MRC2: variants seen among roughly 807,000 people sequenced by gnomAD.
The protein encoded by MRC2 is mannose receptor C-type 2, also known as C-type mannose receptor 2.
Under a neutral mutation model 206.2 loss-of-function variants are expected in MRC2, and 84 were observed. That is an observed-to-expected ratio of 0.41 (90% confidence interval 0.34 to 0.49). The LOEUF (loss-of-function observed/expected upper bound fraction) is 0.49. MRC2 is among the 20% of genes least tolerant of loss of function. The probability of loss-of-function intolerance (pLI) is 0.31; values close to 1 mark genes in which losing one functional copy is unlikely to be tolerated. For missense variants in MRC2, 1,676 were observed against 2,001.5 expected, an observed-to-expected ratio of 0.84 and a Z score of 3.10; for synonymous variants, 798 against 800.0, an observed-to-expected ratio of 1.00 and a Z score of 0.04.
chr17:62,665,814 G>A (rs2088745755), intron 2 of MRC2, among the ~76,000 whole-genome samples: 1 of 152,238 alleles, frequency 6.6e-6, no homozygotes, highest in South Asian at 2.1e-4. Context: ...GTGACTTGGA[G>A]GCCCTCTTGC....
chr17:62,688,644 G>A lies in MRC2; in HGVS notation c.3205G>A (p.Ala1069Thr). 1 of 1,613,856 alleles carries A rather than the reference G, an allele frequency of 6.2e-7. No individual in the cohort carries two copies. Among genetic ancestry groups the A allele is most frequent in the Non-Finnish European group, 8.5e-7 (1 of 1,179,968 alleles). The change falls in exon 22 of 30, where the codon GCT becomes ACT. Residue 1069 changes from alanine to threonine, a missense_variant. By Grantham distance (58) the Ala-to-Thr change is moderately conservative. Coordinates refer to ENST00000303375, the MANE Select transcript of MRC2 (RefSeq NM_006039.5). ...APGEPSGPSPAPSGNKPTSCA... is the reference protein window; with the variant it reads ...APGEPSGPSPTPSGNKPTSCA... ...TGGGGAGCCCTCTGGCCCTAGCCCT[G>A]CTCCCAGTGGCAACAAACCGGTGAG... is the stretch of plus-strand genomic sequence containing the variant.
chr17:62,633,502 CAA>C (rs999150702), intron 1 of MRC2, among the ~76,000 whole-genome samples: 15,064 of 73,204 alleles, frequency 0.21, 897 homozygotes, highest in Non-Finnish European at 0.28. Context: ...GACTCCGTCT[CAA>C]AAAAAAAAAA....
Position 62,675,666 on chromosome 17 carries a change from G to T in MRC2, c.1570-124G>T. The T allele has an allele frequency of 1.3e-6, 1 of 743,090 alleles. No individual in the cohort carries two copies. 46.0% of individuals were successfully genotyped at this position (743,090 alleles called of 1,614,324 possible). ...AGAACACAGCCCAGTACTCAAACCA[G>T]TCCCCTCCGTCCTGAGCACGTTCAG... On this transcript the variant is annotated intron_variant, in intron 9 of 29. Transcript: ENST00000303375. This position sits in a 1 kb window ranked among gnomAD's most constrained non-coding sequence, Gnocchi z 4.1.
In MRC2 at chr17:62,656,195, C is replaced by T. The variant is rs138223246; in HGVS notation, c.119-8353C>T. Among the ~76,000 whole-genome samples the T allele has an allele frequency of 2.9e-3, 434 of 152,110 alleles. 1 individual carries two copies. The highest frequency in any genetic ancestry group is 0.017 in the Middle Eastern group (5 of 294). On this transcript the variant is annotated intron_variant, in intron 1 of 29. Transcript: ENST00000303375. ...CTGAGTAGTTGGGATTACAGGTGTG[C>T]GCCACCATGCCCCGCTAATTTTTGT...
chr17:62,679,684 GGCCCCAGGCCCTGGGGGCT>G (rs1679565200), intron 13 of MRC2, 97 bp from the exon 14 acceptor site: 1 of 859,050 alleles, frequency 1.2e-6, no homozygotes, highest in Admixed American at 2.6e-5. Context: ...CAGATGGAGA[GGCCCCAGGCCCTGGGGGCT>G]GCCCCGGTCA....
chr17:62,677,263 C>A lies in MRC2; in HGVS notation c.1835-6C>A. On this transcript the variant is annotated splice_region_variant and splice_polypyrimidine_tract_variant and intron_variant, in intron 11 of 29. Transcript: ENST00000303375. ...AGAGCCTGGGTCTCCCTTCCCTCTC[C>A]TTCAGGGTACAGCCGTGGGGGCTGC... is the stretch of plus-strand genomic sequence containing the variant. The A allele has an allele frequency of 6.3e-7, 1 of 1,581,526 alleles. No individual in the cohort carries two copies. Among genetic ancestry groups the A allele is most frequent in the East Asian group, 2.3e-5 (1 of 43,596 alleles).
At chr17:62,658,146 A>C (rs190986354) in intron 1 of MRC2, among the ~76,000 whole-genome samples, 2 of 152,268 alleles carry the variant, frequency 1.3e-5, no homozygotes, top group East Asian at 3.9e-4. Context: ...CAGTCTTCAG[A>C]TCTCTGCCCA....
chr17:62,675,727 A>C lies in MRC2; in HGVS notation c.1570-63A>C. On this transcript the variant is annotated intron_variant, in intron 9 of 29. Transcript: ENST00000303375. The surrounding 1 kb of genome is among the most constrained non-coding windows in gnomAD (Gnocchi z 4.1). ...GATGGCATCTCCCACCACAGGATTT[A>C]TGGGTGAGGGTGGAGAGTCATCTTC... The C allele has an allele frequency of 3.1e-6, 4 of 1,302,392 alleles. No homozygotes were observed. The highest frequency in any genetic ancestry group is 4.4e-6 in the Non-Finnish European group (4 of 899,558). The allele number at this position is 1,302,392 out of a possible 1,614,324, so 80.7% of individuals were successfully genotyped here.
rs1445373181 is a variant in MRC2 at position 62,652,792 on chromosome 17, AG to A, written c.119-11752del. Reference sequence around the variant, plus strand: ...TGGGGGGGTGCACGATGGCAGGGGGAGGGGTGCTCGGTGGAGGGAGGGGCAC... The same window carrying A: ...TGGGGGGGTGCACGATGGCAGGGGGAGGGTGCTCGGTGGAGGGAGGGGCAC... On this transcript the variant is annotated intron_variant, in intron 1 of 29. Transcript: ENST00000303375. The surrounding 1 kb of genome is among the most constrained non-coding windows in gnomAD (Gnocchi z 4.6). Among the ~76,000 whole-genome samples the A allele has an allele frequency of 1.2e-3, 21 of 17,274 alleles. 1 individual carries two copies. Among genetic ancestry groups the A allele is most frequent in the Admixed American group, 5.3e-3 (7 of 1,318 alleles). The allele number at this position is 17,274 out of a possible 152,430, so 11.3% of individuals were successfully genotyped here.
At chr17:62,647,367 T>C (rs1236806952) in intron 1 of MRC2, among the ~76,000 whole-genome samples, 2 of 151,954 alleles carry the variant, frequency 1.3e-5, no homozygotes, top group East Asian at 3.9e-4. Flanking sequence ...GTAATTTTAG[T>C]TGAGAAGGGG....
chr17:62,659,372 T>G (rs1451796578), intron 1 of MRC2, among the ~76,000 whole-genome samples: 2 of 152,110 alleles, frequency 1.3e-5, no homozygotes, highest in African/African-American at 4.8e-5. Context: ...AAACTGCGTC[T>G]GTACTAAAAA....
Position 62,680,525 on chromosome 17 carries a change from A to T in MRC2, c.2473+72A>T, listed in dbSNP as rs2088951052. 4 of 1,586,512 alleles carry T rather than the reference A, an allele frequency of 2.5e-6. No homozygotes were observed. In the East Asian group the frequency reaches 9.0e-5, roughly 36 times the overall value. On this transcript the variant is annotated intron_variant, in intron 16 of 29. Transcript: ENST00000303375. This position sits in a 1 kb window ranked among gnomAD's most constrained non-coding sequence, Gnocchi z 4.8. ...CGTCAACTCTGGGGTAAGTCCCGAG[A>T]GGCCTGAATGAAATGGAGGGGATGA...
intron 13 of MRC2, 26 bp from the exon 14 acceptor site, chr17:62,679,773 CG>C (rs748382532): frequency 5.6e-6 from 9 of 1,607,652 alleles, no homozygotes; most frequent in African/African-American, 1.3e-5. Flanking sequence ...CCATCTCTTC[CG>C]TCCCCACTCC....
chr17:62,689,553 G>A lies in MRC2; in HGVS notation c.3366G>A (p.Leu1122=), dbSNP rs2089076679. Residue 1122 remains leucine (L), a synonymous_variant, in exon 24 of 30, where the codon CTG becomes CTA. Coordinates refer to ENST00000303375, the MANE Select transcript of MRC2 (RefSeq NM_006039.5). ...DPSLSPSPAA[L]PPAPGTELSY... is the part of the protein sequence containing the mutation. ...CCCTGAGCCCGTCCCCAGCAGCGCT[G>A]CCCCCCGCCCCGGGCACTGAGCTCT... The A allele has an allele frequency of 1.3e-6, 2 of 1,591,876 alleles. No individual in the cohort carries two copies. Among genetic ancestry groups the A allele is most frequent in the Non-Finnish European group, 1.7e-6 (2 of 1,168,666 alleles).
chr17:62,664,838 C>G lies in MRC2; in HGVS notation c.409C>G (p.Arg137Gly), dbSNP rs751226940. 1.2e-5 allele frequency: 19 copies of G among 1,613,766 alleles called. No individual in the cohort carries two copies. The highest frequency in any genetic ancestry group is 1.6e-5 in the Non-Finnish European group (19 of 1,180,020). The change falls in exon 2 of 30, where the codon CGC becomes GGC. Residue 137 changes from arginine to glycine, a missense_variant. Transcript: ENST00000303375. The surrounding 1 kb of genome is among the most constrained non-coding windows in gnomAD (Gnocchi z 4.7). The stretch of plus-strand genomic sequence containing the variant: ...CCAGCTGTCCTTGCTCCTGGGGGCC[C>G]GCACCAGCAACATATCCAAGCCTGG... ...GDQLSLLLGARTSNISKPGTL... is the reference protein window; with the variant it reads ...GDQLSLLLGAGTSNISKPGTL...
intron 8 of MRC2, among the ~76,000 whole-genome samples, chr17:62,673,313 T>C (rs2088850061): frequency 6.6e-6 from 1 of 152,046 alleles, no homozygotes; most frequent in South Asian, 2.1e-4. Flanking sequence ...GAGGACTAAA[T>C]TCCTCCTCAG....
At chr17:62,643,628 C>A (rs190136565) in intron 1 of MRC2, among the ~76,000 whole-genome samples, 1 of 152,214 alleles carries the variant, frequency 6.6e-6, no homozygotes, top group African/African-American at 2.4e-5. Context: ...ACGGAGTTCA[C>A]CAAGAGGAAA....
At chr17:62,643,003 C>G (rs2088425762) in intron 1 of MRC2, among the ~76,000 whole-genome samples, 1 of 152,126 alleles carries the variant, frequency 6.6e-6, no homozygotes, top group Non-Finnish European at 1.5e-5. Context: ...GAGCCAGACG[C>G]TACTTCATAC....
At position 62,652,335 on chromosome 17, in the gene MRC2, C is replaced by T. The variant is rs2147450133; in HGVS notation, c.119-12213C>T. On this transcript the variant is annotated intron_variant, in intron 1 of 29. Transcript: ENST00000303375. The surrounding 1 kb of genome is among the most constrained non-coding windows in gnomAD (Gnocchi z 4.6). Reference sequence around the variant, plus strand: ...TGAACAGGTGTGGCTCGGCAGAGGCCTTCCGCACCTGCGTTATGGAGTGGT... The same window carrying T: ...TGAACAGGTGTGGCTCGGCAGAGGCTTTCCGCACCTGCGTTATGGAGTGGT... Among the ~76,000 whole-genome samples the T allele has an allele frequency of 6.6e-6, 1 of 152,376 alleles. No individual in the cohort carries two copies. Among genetic ancestry groups the T allele is most frequent in the South Asian group, 2.1e-4 (1 of 4,830 alleles).
Sources: gnomAD v4.1 joint callset for allele counts (sites outside exome capture counted in the v4.1 genomes callset) on GRCh38, gnomAD v4.1.1 for gene constraint, Gnocchi (gnomAD v3.1) non-coding constraint, MANE v1.5 for transcripts, NCBI Gene and HGNC (gene_info 2026-07-23, HGNC 2026-07-21) for gene names.